CTDSP1: variants seen among roughly 807,000 people sequenced by gnomAD.
CTDSP1 encodes CTD small phosphatase 1.
CTDSP1 carries 15 observed loss-of-function variants against 32.5 expected under a neutral mutation model. The observed-to-expected ratio is 0.46, with a 90% CI of 0.31 to 0.71. The LOEUF (loss-of-function observed/expected upper bound fraction) is 0.71, where lower values mean the gene tolerates loss of function less well. Ranked by LOEUF, CTDSP1 falls within the 30% of genes least tolerant of loss-of-function variation. The probability of loss-of-function intolerance (pLI) is 0.05; values close to 1 mark genes in which losing one functional copy is unlikely to be tolerated. For missense variants in CTDSP1, 294 were observed against 351.1 expected, an observed-to-expected ratio of 0.84 and a Z score of 1.30; for synonymous variants, 185 against 145.4, an observed-to-expected ratio of 1.27 and a Z score of -1.96.
chr2:218,398,557 C>T (rs574644959), upstream of CTDSP1: 909 of 994,890 alleles, frequency 9.1e-4, 34 homozygotes, highest in Admixed American at 0.031. Flanking sequence ...CTGGCAGACG[C>T]CGCTCCCCTC....
At chr2:218,401,487 G>T in intron 1 of CTDSP1, 77 bp from the exon 2 acceptor site, 1 of 1,548,574 alleles carries the variant, frequency 6.5e-7, no homozygotes, top group Non-Finnish European at 8.8e-7. Context: ...TGGCTCAGGG[G>T]TTCACACCTG....
chr2:218,398,581 G>GC, upstream of CTDSP1: 1 of 777,790 alleles, frequency 1.3e-6, no homozygotes, highest in Non-Finnish European at 1.9e-6. Context: ...TCCCCTCCCG[G>GC]CCCCCGCGCG....
At chr2:218,403,785 G>A (rs368826074) in intron 6 of CTDSP1, 48 of 203,668 alleles carry the variant, frequency 2.4e-4, no homozygotes, top group African/African-American at 9.5e-4. Flanking sequence ...ATCCGGTCGG[G>A]TGCAGTGGCT....
intron 6 of CTDSP1, 79 bp from the exon 7 acceptor site, chr2:218,404,218 G>A (rs1697301916): frequency 3.2e-6 from 5 of 1,549,942 alleles, no homozygotes; most frequent in Non-Finnish European, 4.4e-6. Context: ...GATCTGAGTA[G>A]TGGCTACATA....
At chr2:218,400,317 CAG>C in intron 1 of CTDSP1, 160 bp downstream of exon 1, 1 of 759,328 alleles carries the variant, frequency 1.3e-6, no homozygotes, top group Non-Finnish European at 2.2e-6. Flanking sequence ...AGTTTGAACT[CAG>C]AGGAGGCTCA....
chr2:218,399,700 G>A, upstream of CTDSP1: 1 of 985,122 alleles, frequency 1.0e-6, no homozygotes, highest in Non-Finnish European at 1.2e-6. Context: ...CGGCAGGAAG[G>A]GAGGCGACGC....
chr2:218,405,276 G>A lies in CTDSP1; in HGVS notation c.*851G>A, dbSNP rs929845461. The A allele has an allele frequency of 7.9e-5, 12 of 152,804 alleles. No homozygotes were observed. The highest frequency in any genetic ancestry group is 2.4e-4 in the African/African-American group (10 of 41,442). 9.5% of individuals were successfully genotyped at this position (152,804 alleles called of 1,614,324 possible). A position where few individuals can be genotyped will look rare whatever the true frequency, so the allele number is the denominator to read the frequency against. On this transcript the variant is annotated 3_prime_UTR_variant, in exon 7 of 7. Coordinates refer to ENST00000273062, the MANE Select transcript of CTDSP1 (RefSeq NM_021198.3). ...CCCCTTTCCTGGGCCCAGAAGTTGG[G>A]GGGAGGGAGGGAAAGGATTTTTACA... is the stretch of plus-strand genomic sequence containing the variant.
intron 2 of CTDSP1, 110 bp from the exon 3 acceptor site, chr2:218,402,001 T>C: frequency 7.6e-6 from 6 of 790,938 alleles, no homozygotes; most frequent in Non-Finnish European, 1.3e-5. Flanking sequence ...GGGAAGTATC[T>C]GTTCCTGGGG....
chr2:218,402,813 T>C lies in CTDSP1; in HGVS notation c.379-222T>C, dbSNP rs570699719. ...GGGAAGGGATTGGGAATTAGGGACC[T>C]CGTGAGGTAGGACTGGCCAGTGGAG... On this transcript the variant is annotated intron_variant, in intron 4 of 6. Transcript: ENST00000273062. 2.2e-5 allele frequency: 15 copies of C among 691,074 alleles called. No homozygotes were observed. In the East Asian group the frequency reaches 3.7e-4, roughly 17 times the overall value. 42.8% of individuals were successfully genotyped at this position (691,074 alleles called of 1,614,324 possible). A position where few individuals can be genotyped will look rare whatever the true frequency, so the allele number is the denominator to read the frequency against.
At chr2:218,401,742 G>T (rs371016771) in intron 2 of CTDSP1, 30 bp downstream of exon 2, 6 of 1,524,276 alleles carry the variant, frequency 3.9e-6, no homozygotes, top group Non-Finnish European at 4.4e-6. Flanking sequence ...GGCCACGGGG[G>T]CACCTGGACT....
Position 218,404,455 on chromosome 2 carries a change from G to T in CTDSP1, c.*30G>T. ...GGTGATGGGGCCAGGACCTGCCCCT[G>T]ACCAATGATACCCACACCTCCTCCC... On this transcript the variant is annotated 3_prime_UTR_variant, in exon 7 of 7. Coordinates refer to ENST00000273062, the MANE Select transcript of CTDSP1 (RefSeq NM_021198.3). 1.2e-6 allele frequency: 2 copies of T among 1,612,262 alleles called. No individual in the cohort carries two copies. The highest frequency in any genetic ancestry group is 2.2e-5 in the South Asian group (2 of 90,948).
At chr2:218,402,945 C>G (rs545755082) in intron 4 of CTDSP1, 90 bp from the exon 5 acceptor site, 5 of 944,012 alleles carry the variant, frequency 5.3e-6, no homozygotes, top group Non-Finnish European at 8.5e-6. Context: ...TCCTGTGCGC[C>G]TCTGCCTCCC....
chr2:218,399,779 G>A (rs1425755666), upstream of CTDSP1: 6 of 1,072,564 alleles, frequency 5.6e-6, no homozygotes, highest in African/African-American at 1.7e-5. Context: ...GGTCCCAGAA[G>A]TGGCGAAAGC....
Position 218,400,076 on chromosome 2 carries a change from A to G in CTDSP1, c.-15A>G. 1.5e-6 allele frequency: 2 copies of G among 1,362,732 alleles called. No homozygotes were observed. Among genetic ancestry groups the G allele is most frequent in the Admixed American group, 3.3e-5 (1 of 30,332 alleles). The allele number at this position is 1,362,732 out of a possible 1,614,324, so 84.4% of individuals were successfully genotyped here. On this transcript the variant is annotated 5_prime_UTR_variant, in exon 1 of 7. Coordinates refer to ENST00000273062, the MANE Select transcript of CTDSP1 (RefSeq NM_021198.3). ...CCGGGCCAGAGTCCGGCCGGAGCGG[A>G]GCGCGCCCGGCCCCATGGACAGCTC... is the stretch of plus-strand genomic sequence containing the variant.
rs375463408 is a variant in CTDSP1 at position 218,404,430 on chromosome 2, G to T, written c.*5G>T. On this transcript the variant is annotated 3_prime_UTR_variant, in exon 7 of 7. Transcript: ENST00000273062. ...CAGCCACGGCCAGGGAGCTAGTGAG[G>T]GTGATGGGGCCAGGACCTGCCCCTG... is the stretch of plus-strand genomic sequence containing the variant. 250 of 1,613,922 alleles carry T rather than the reference G, an allele frequency of 1.5e-4. 1 individual carries two copies. The South Asian group carries it at 2.4e-3, about 16-fold the overall frequency.
chr2:218,398,772 G>A (rs1696950302), upstream of CTDSP1: 1 of 242,092 alleles, frequency 4.1e-6, no homozygotes, highest in Non-Finnish European at 7.9e-6. Context: ...TTTTTAAATG[G>A]TGAACTTACA....
At chr2:218,399,389 A>T (rs1696978843), upstream of CTDSP1, 1 of 152,334 alleles carries the variant, frequency 6.6e-6, no homozygotes, top group Non-Finnish European at 1.5e-5. Context: ...GTTTCGGGCC[A>T]GCAGAGCCTT....
At chr2:218,397,936 C>T (rs907088645), upstream of CTDSP1, among the ~76,000 whole-genome samples, 1 of 152,162 alleles carries the variant, frequency 6.6e-6, no homozygotes, top group Non-Finnish European at 1.5e-5. Context: ...CTTGAAGTGG[C>T]GATAAGATGG....
At chr2:218,401,130 C>G (rs1284344498) in intron 1 of CTDSP1, 3 of 367,380 alleles carry the variant, frequency 8.2e-6, no homozygotes, top group African/African-American at 2.1e-5. Flanking sequence ...GGACTTCGTA[C>G]CCACGGGGGT....
Sources: gnomAD v4.1 joint callset for allele counts (sites outside exome capture counted in the v4.1 genomes callset) on GRCh38, gnomAD v4.1.1 for gene constraint, MANE v1.5 for transcripts, NCBI Gene and HGNC (gene_info 2026-07-23, HGNC 2026-07-21) for gene names.